ZCCHC24: variants seen among roughly 807,000 people sequenced by gnomAD.
ZCCHC24 encodes zinc finger CCHC domain-containing protein 24.
A neutral mutation model predicts 26.2 loss-of-function variants in ZCCHC24; 10 were observed. The observed-to-expected ratio is 0.38, with a 90% CI of 0.24 to 0.65. The LOEUF (loss-of-function observed/expected upper bound fraction) is 0.65. Ranked by LOEUF, ZCCHC24 falls within the 30% of genes least tolerant of loss-of-function variation. The pLI is 0.54. For missense variants in ZCCHC24, 243 were observed against 329.1 expected (o/e 0.74, Z 2.03); for synonymous variants, 144 against 147.1 (o/e 0.98, Z 0.15).
intron 2 of ZCCHC24, among the ~76,000 whole-genome samples, chr10:79,428,559 C>T (rs1000817536): frequency 7.3e-5 from 11 of 151,706 alleles, no homozygotes; most frequent in African/African-American, 2.7e-4. Flanking sequence ...TGCCACGAAC[C>T]GTAAGCTAAA....
intron 3 of ZCCHC24, among the ~76,000 whole-genome samples, chr10:79,388,986 G>T (rs578166714): frequency 6.6e-6 from 1 of 152,146 alleles, no homozygotes; most frequent in Non-Finnish European, 1.5e-5. Context: ...ACTGCCTACC[G>T]CCTGCAGCTG....
chr10:79,426,840 C>G (rs1002306608), intron 2 of ZCCHC24, among the ~76,000 whole-genome samples: 1 of 152,038 alleles, frequency 6.6e-6, no homozygotes, highest in African/African-American at 2.4e-5. Flanking sequence ...CCTAAATCTA[C>G]GTCAAAAAGA....
At chr10:79,417,131 C>T (rs1856875331) in intron 2 of ZCCHC24, among the ~76,000 whole-genome samples, 2 of 152,170 alleles carry the variant, frequency 1.3e-5, no homozygotes, top group Non-Finnish European at 2.9e-5. Flanking sequence ...AATACTAAGC[C>T]GTTTGTGCAG....
chr10:79,399,511 C>T (rs966997779), intron 2 of ZCCHC24, among the ~76,000 whole-genome samples: 9 of 152,240 alleles, frequency 5.9e-5, no homozygotes, highest in Non-Finnish European at 8.8e-5. Context: ...GGGCAAAGCT[C>T]ACTGGAGCTC....
Position 79,437,204 on chromosome 10 carries a change from C to T in ZCCHC24, c.247-4446G>A, listed in dbSNP as rs143669176. ...CTAAGACAACAGGTACATGGCACCACGGCTGGCTGATTTTTTGTATTTATT... is the reference window on the plus strand; with the variant it reads ...CTAAGACAACAGGTACATGGCACCATGGCTGGCTGATTTTTTGTATTTATT... On this transcript the variant is annotated intron_variant, in intron 1 of 3. Coordinates refer to ENST00000372336, the MANE Select transcript of ZCCHC24 (RefSeq NM_153367.4). 4.5e-3 allele frequency among the ~76,000 whole-genome samples: 676 copies of T among 151,672 alleles called. 12 individuals are homozygous for T. The highest frequency in any genetic ancestry group is 0.035 in the East Asian group (183 of 5,158).
intron 2 of ZCCHC24, among the ~76,000 whole-genome samples, chr10:79,404,746 C>T (rs1019579496): frequency 1.3e-5 from 2 of 152,250 alleles, no homozygotes. Flanking sequence ...TGAAGGCCCA[C>T]TTCAGGTTTG....
intron 2 of ZCCHC24, among the ~76,000 whole-genome samples, chr10:79,410,800 T>G (rs1856780525): frequency 6.8e-6 from 1 of 146,848 alleles, no homozygotes; most frequent in Non-Finnish European, 1.5e-5. Flanking sequence ...GGGGGTGTGG[T>G]CTGGGGATGG....
At chr10:79,398,290 C>T (rs1856574474) in intron 2 of ZCCHC24, among the ~76,000 whole-genome samples, 1 of 152,200 alleles carries the variant, frequency 6.6e-6, no homozygotes, top group Non-Finnish European at 1.5e-5. Context: ...CCAAGTTATT[C>T]AAACTCTCTG....
Position 79,384,867 on chromosome 10 carries a change from C to T in ZCCHC24, c.*1478G>A, listed in dbSNP as rs1400742965. ...TAATGTAGGGGCAAAATCAAGAGAC[C>T]CAGTTCTGACAGCCGGGAGAAAGGA... On this transcript the variant is annotated 3_prime_UTR_variant, in exon 4 of 4. Coordinates refer to ENST00000372336, the MANE Select transcript of ZCCHC24 (RefSeq NM_153367.4). 3 of 152,166 alleles carry T rather than the reference C, an allele frequency of 2.0e-5. No homozygotes were observed. Among genetic ancestry groups the T allele is most frequent in the South Asian group, 2.1e-4 (1 of 4,798 alleles). The allele number at this position is 152,166 out of a possible 1,614,324, so 9.4% of individuals were successfully genotyped here.
chr10:79,411,573 T>C (rs1289497658), intron 2 of ZCCHC24, among the ~76,000 whole-genome samples: 1 of 152,172 alleles, frequency 6.6e-6, no homozygotes, highest in Admixed American at 6.5e-5. Context: ...CTCCCAGGGC[T>C]CAGTGTGCCC....
chr10:79,443,544 C>T (rs1857316597), intron 1 of ZCCHC24, among the ~76,000 whole-genome samples: 1 of 152,228 alleles, frequency 6.6e-6, no homozygotes, highest in South Asian at 2.1e-4. Flanking sequence ...CCCTCTATCA[C>T]CTTGTCTGTT....
chr10:79,391,980 C>T (rs1174568925), intron 3 of ZCCHC24, among the ~76,000 whole-genome samples: 2 of 151,872 alleles, frequency 1.3e-5, no homozygotes, highest in African/African-American at 2.4e-5. Context: ...CCCATCTCTG[C>T]CCCCTCGTTC....
chr10:79,428,088 A>G lies in ZCCHC24; in HGVS notation c.447+4470T>C, dbSNP rs568865034. 2.6e-5 allele frequency among the ~76,000 whole-genome samples: 4 copies of G among 152,372 alleles called. No individual in the cohort carries two copies. In the East Asian group the frequency reaches 5.8e-4, roughly 22 times the overall value. On this transcript the variant is annotated intron_variant, in intron 2 of 3. Transcript: ENST00000372336. ...ATAAACCCTCGATCACAGCAGCAGT[A>G]TTCACAATAACCAAAAGGTGGAAGC...
chr10:79,444,517 C>T (rs764117189), intron 1 of ZCCHC24, among the ~76,000 whole-genome samples: 12 of 151,938 alleles, frequency 7.9e-5, no homozygotes, highest in Non-Finnish European at 1.6e-4. Flanking sequence ...AGAGGATTTC[C>T]CTTTCATTTC....
In ZCCHC24 at chr10:79,432,624, C is replaced by A. The variant is rs148351721; in HGVS notation, c.381G>T (p.Arg127=). The A allele has an allele frequency of 4.7e-5, 75 of 1,608,412 alleles. No homozygotes were observed. Among genetic ancestry groups the A allele is most frequent in the Non-Finnish European group, 6.2e-5 (73 of 1,177,278 alleles). ...GGTGGCACAGGTAGTTGGGTGGGGG[C>A]CGCTTGCTGGGCTTGCGAGCCTCGG... The part of the protein sequence containing the change: ...LTSEARKPSK[R]PPPNYLCHLC... Residue 127 remains arginine, a synonymous_variant, in exon 2 of 4, where the codon CGG becomes CGT. Transcript: ENST00000372336.
chr10:79,441,834 A>G (rs1857294834), intron 1 of ZCCHC24, among the ~76,000 whole-genome samples: 1 of 152,140 alleles, frequency 6.6e-6, no homozygotes, highest in South Asian at 2.1e-4. Flanking sequence ...TGCCCTAAGA[A>G]TTCTACCTGA....
chr10:79,389,240 G>A (rs1331567667), intron 3 of ZCCHC24, among the ~76,000 whole-genome samples: 1 of 152,226 alleles, frequency 6.6e-6, no homozygotes, highest in Non-Finnish European at 1.5e-5. Flanking sequence ...TCATCTCTGG[G>A]GCTGACAGAG....
At chr10:79,403,434 C>G in intron 2 of ZCCHC24, 1 of 985,482 alleles carries the variant, frequency 1.0e-6, no homozygotes, top group Non-Finnish European at 1.2e-6. Context: ...TGTCCACATG[C>G]ACGGCCGGGG....
intron 2 of ZCCHC24, among the ~76,000 whole-genome samples, chr10:79,397,127 G>C (rs934685092): frequency 6.6e-6 from 1 of 152,192 alleles, no homozygotes; most frequent in African/African-American, 2.4e-5. Flanking sequence ...CATTAAGAGG[G>C]GACATACGTG....
Sources: allele counts gnomAD v4.1 joint callset (sites outside exome capture counted in the v4.1 genomes callset), GRCh38; gene constraint gnomAD v4.1.1; transcripts MANE v1.5; gene names NCBI Gene and HGNC (gene_info 2026-07-23, HGNC 2026-07-21).